The following MYRFL variants were observed in gnomAD, a reference collection of about 807,000 sequenced individuals.
MYRFL encodes myelin regulatory factor like.
In MYRFL, 88 loss-of-function variants were observed where a neutral mutation model predicts 109.4. The ratio of observed to expected loss-of-function variants is 0.80; its 90% CI spans 0.68 to 0.96. MYRFL has a LOEUF of 0.96. Among genes scored for constraint, MYRFL ranks in the 40% least tolerant of loss-of-function variants. The pLI, the probability that MYRFL is intolerant of heterozygous loss-of-function variation, is 0.00. For missense variants in MYRFL, 957 were observed against 954.9 expected (o/e 1.00, Z -0.03); for synonymous variants, 324 against 320.9 (o/e 1.01, Z -0.10).
intron 1 of MYRFL, among the ~76,000 whole-genome samples, chr12:69,845,273 C>T (rs1565965809): frequency 6.6e-6 from 1 of 152,180 alleles, no homozygotes. Flanking sequence ...GGGTTCTTGT[C>T]TTCTTTTTCA....
intron 10 of MYRFL, among the ~76,000 whole-genome samples, chr12:69,901,551 CAA>C (rs1954180603): frequency 6.6e-6 from 1 of 152,184 alleles, no homozygotes. Flanking sequence ...GTTCCAGTAT[CAA>C]GTTACCAACA....
At chr12:69,839,091 T>C (rs1475039430) in intron 1 of MYRFL, among the ~76,000 whole-genome samples, 1 of 152,180 alleles carries the variant, frequency 6.6e-6, no homozygotes, top group Non-Finnish European at 1.5e-5. Context: ...ACCGTAATGC[T>C]AAAGGAACGT....
At chr12:69,857,874 G>A (rs1884394587) in intron 2 of MYRFL, among the ~76,000 whole-genome samples, 1 of 151,798 alleles carries the variant, frequency 6.6e-6, no homozygotes, top group African/African-American at 2.4e-5. Flanking sequence ...CCTTGCTGAA[G>A]TAGGTAAGAC....
chr12:69,923,377 GT>G (rs1954969350), intron 13 of MYRFL, among the ~76,000 whole-genome samples: 1 of 152,142 alleles, frequency 6.6e-6, no homozygotes, highest in African/African-American at 2.4e-5. Flanking sequence ...TAGGTGGGAA[GT>G]TTTTTTCCAG....
intron 21 of MYRFL, among the ~76,000 whole-genome samples, chr12:69,953,764 G>GAC (rs143170206): frequency 0.089 from 12,871 of 144,044 alleles, 701 homozygotes; most frequent in South Asian, 0.21. Flanking sequence ...GTGCAACCCG[G>GAC]ACACACACAC....
chr12:69,846,072 G>A (rs1226450175), intron 1 of MYRFL, among the ~76,000 whole-genome samples: 3 of 137,964 alleles, frequency 2.2e-5, no homozygotes, highest in African/African-American at 8.1e-5. Context: ...TTTAACCCTT[G>A]GATGCTGGCT....
intron 13 of MYRFL, among the ~76,000 whole-genome samples, chr12:69,911,153 T>C (rs1248674905): frequency 6.6e-6 from 1 of 152,152 alleles, no homozygotes; most frequent in Non-Finnish European, 1.5e-5. Context: ...AAAATGCATA[T>C]GCAATAGTAA....
intron 15 of MYRFL, among the ~76,000 whole-genome samples, chr12:69,929,104 A>G (rs1453595354): frequency 6.6e-6 from 1 of 152,196 alleles, no homozygotes; most frequent in Non-Finnish European, 1.5e-5. Context: ...TGAATACATG[A>G]GTGGAGAGCC....
chr12:69,926,253 A>G (rs988333020), intron 13 of MYRFL, among the ~76,000 whole-genome samples: 5 of 151,748 alleles, frequency 3.3e-5, no homozygotes, highest in Non-Finnish European at 7.4e-5. Context: ...AGAATTTTAA[A>G]TATGGAATAA....
chr12:69,951,423 CTTTT>C (rs11310328), intron 19 of MYRFL, among the ~76,000 whole-genome samples: 7 of 89,188 alleles, frequency 7.8e-5, no homozygotes, highest in Non-Finnish European at 1.1e-4. Flanking sequence ...TCCTAACCTG[CTTTT>C]TTTTTTTTTT....
At chr12:69,915,611 C>A (rs1251400189) in intron 13 of MYRFL, among the ~76,000 whole-genome samples, 2 of 152,132 alleles carry the variant, frequency 1.3e-5, no homozygotes, top group Admixed American at 6.5e-5. Context: ...GATGACCTTA[C>A]AAAATAAACT....
intron 2 of MYRFL, among the ~76,000 whole-genome samples, chr12:69,871,231 C>CTTTT (rs58723853): frequency 3.2e-5 from 4 of 124,734 alleles, no homozygotes; most frequent in Non-Finnish European, 5.0e-5. Flanking sequence ...TTGGATATTT[C>CTTTT]TTTTTTTTTT....
At chr12:69,917,690 C>A (rs1954785595) in intron 13 of MYRFL, among the ~76,000 whole-genome samples, 1 of 152,074 alleles carries the variant, frequency 6.6e-6, no homozygotes, top group South Asian at 2.1e-4. Context: ...GTCAGAGAAT[C>A]TGCCTCATCA....
chr12:69,918,875 A>G (rs1003738934), intron 13 of MYRFL, among the ~76,000 whole-genome samples: 1 of 152,202 alleles, frequency 6.6e-6, no homozygotes, highest in Non-Finnish European at 1.5e-5. Flanking sequence ...AATAAAATGA[A>G]TATACCAAGT....
chr12:69,883,731 G>A (rs890686191), intron 5 of MYRFL, among the ~76,000 whole-genome samples: 1 of 139,886 alleles, frequency 7.1e-6, no homozygotes, highest in Non-Finnish European at 1.6e-5. Context: ...AAAAAAATTA[G>A]CCGATGTGGT....
At chr12:69,916,195 GA>G (rs879638432) in intron 13 of MYRFL, among the ~76,000 whole-genome samples, 2 of 152,070 alleles carry the variant, frequency 1.3e-5, no homozygotes, top group Non-Finnish European at 2.9e-5. Flanking sequence ...TATTGTCTAA[GA>G]GGGGGATGAT....
chr12:69,873,991 A>G (rs1449861398), intron 2 of MYRFL, among the ~76,000 whole-genome samples: 1 of 152,168 alleles, frequency 6.6e-6, no homozygotes, highest in Non-Finnish European at 1.5e-5. Flanking sequence ...CAGTTTACTT[A>G]GAGTTAATGA....
chr12:69,956,400 C>CTAACT (rs1956097053), intron 22 of MYRFL, among the ~76,000 whole-genome samples: 1 of 152,120 alleles, frequency 6.6e-6, no homozygotes, highest in African/African-American at 2.4e-5. Flanking sequence ...TCACAAAACT[C>CTAACT]TAACTTAACC....
At chr12:69,844,328 G>T (rs1883408398) in intron 1 of MYRFL, among the ~76,000 whole-genome samples, 1 of 152,124 alleles carries the variant, frequency 6.6e-6, no homozygotes, top group African/African-American at 2.4e-5. Flanking sequence ...TCTAAAGCAG[G>T]TGACACAGGA....
Sources: allele counts gnomAD v4.1 joint callset (sites outside exome capture counted in the v4.1 genomes callset), GRCh38; gene constraint gnomAD v4.1.1; transcripts MANE v1.5; gene names NCBI Gene and HGNC (gene_info 2026-07-23, HGNC 2026-07-21).